STON2: variants seen among roughly 807,000 people sequenced by gnomAD.
STON2 encodes the protein stonin 2, also known as stonin-2.
Under a neutral mutation model 65.7 loss-of-function variants are expected in STON2, and 29 were observed. The observed-to-expected ratio is 0.44, with a 90% CI of 0.33 to 0.60. STON2 has a LOEUF of 0.60. Among genes scored for constraint, STON2 ranks in the 20% least tolerant of loss-of-function variants. STON2 has a pLI of 0.03. For synonymous variants in STON2, 404 were observed against 414.2 expected (o/e 0.98, Z 0.30); for missense variants, 1,054 against 1,118.1 (o/e 0.94, Z 0.82).
chr14:81,373,755 G>C (rs1021744698), intron 3 of STON2, among the ~76,000 whole-genome samples: 49 of 152,096 alleles, frequency 3.2e-4, no homozygotes, highest in Non-Finnish European at 7.4e-5. Context: ...AAGTCTTAAA[G>C]GGTAAGTTAG....
chr14:81,356,994 G>A (rs1898267602), intron 4 of STON2, among the ~76,000 whole-genome samples: 1 of 152,088 alleles, frequency 6.6e-6, no homozygotes, highest in Non-Finnish European at 1.5e-5. Flanking sequence ...GCACGGGCAA[G>A]GACTTCATGT....
chr14:81,428,068 GT>G (rs939937135), intron 1 of STON2, among the ~76,000 whole-genome samples: 3 of 152,154 alleles, frequency 2.0e-5, no homozygotes, highest in African/African-American at 7.2e-5. Flanking sequence ...ACCTTACAGC[GT>G]TGAGGTGCAA....
intron 4 of STON2, among the ~76,000 whole-genome samples, chr14:81,341,461 T>G (rs1329950833): frequency 2.7e-5 from 4 of 146,152 alleles, no homozygotes; most frequent in Non-Finnish European, 5.9e-5. Context: ...TTTTTTGTTT[T>G]TTTTTTTTCC....
rs920844207 is a variant in STON2 at position 81,422,257 on chromosome 14, G to A, written c.-199+4845C>T. On this transcript the variant is annotated intron_variant, in intron 2 of 8. Transcript: ENST00000553821. Reference sequence around the variant, plus strand: ...GAGTGAGTTCTCACTCAGTTCCTGCGAGAACTGAAGTTGAAAAGAGCCTGG... The same window carrying A: ...GAGTGAGTTCTCACTCAGTTCCTGCAAGAACTGAAGTTGAAAAGAGCCTGG... Among the ~76,000 whole-genome samples the A allele has an allele frequency of 7.2e-5, 11 of 152,014 alleles. No homozygotes were observed. In the East Asian group the frequency reaches 7.7e-4, roughly 11 times the overall value.
At position 81,324,109 on chromosome 14, in the gene STON2, C is replaced by A. The variant is rs1024187447; in HGVS notation, c.650G>T (p.Arg217Leu). Among the ~76,000 whole-genome samples, 2 of 152,188 alleles carry A rather than the reference C, an allele frequency of 1.3e-5. No homozygotes were observed. The highest frequency in any genetic ancestry group is 2.1e-4 in the South Asian group (1 of 4,810). ...TGGCGAGGGGTCCAGGCGGTGGGTG[C>A]GGGTGGAGGTATGCTCCGAGCATGC... ...VQACSEHTST[R>L]THRLDPSPPS... is the part of the protein sequence containing the mutation. The change falls in exon 5 of 8, where the codon CGC becomes CTC. Residue 217 changes from arginine to leucine, a missense_variant. Coordinates refer to ENST00000614646, the MANE Select transcript of STON2 (RefSeq NM_001394390.1).
chr14:81,363,423 C>A (rs3853416), intron 4 of STON2, among the ~76,000 whole-genome samples: 56,212 of 151,840 alleles, frequency 0.37, 10,657 homozygotes, highest in South Asian at 0.51. Context: ...TCAGTAACTG[C>A]CAAATGGTAG....
At chr14:81,307,772 A>G (rs1896239799) in intron 5 of STON2, among the ~76,000 whole-genome samples, 1 of 152,228 alleles carries the variant, frequency 6.6e-6, no homozygotes, top group South Asian at 2.1e-4. Context: ...GCTTTTCTTA[A>G]TAACATTTTC....
At chr14:81,301,048 C>T (rs544976675) in intron 5 of STON2, among the ~76,000 whole-genome samples, 1 of 152,214 alleles carries the variant, frequency 6.6e-6, no homozygotes, top group South Asian at 2.1e-4. Flanking sequence ...AATCTCATAA[C>T]CATTCTCTGA....
chr14:81,263,995 G>C lies in STON2; in HGVS notation c.*4419C>G. The C allele has an allele frequency of 2.0e-6, 2 of 985,364 alleles. No individual in the cohort carries two copies. The allele number at this position is 985,364 out of a possible 1,614,324, so 61.0% of individuals were successfully genotyped here. On this transcript the variant is annotated 3_prime_UTR_variant, in exon 8 of 8. Transcript: ENST00000614646. ...AATAAATGCAAAGTAACGGTCAGCG[G>C]TTAGTGCTGGAAGAACAAAGACCTA...
At chr14:81,340,177 A>G (rs1245135529) in intron 4 of STON2, among the ~76,000 whole-genome samples, 1 of 152,180 alleles carries the variant, frequency 6.6e-6, no homozygotes, top group African/African-American at 2.4e-5. Flanking sequence ...AAATAAGCTG[A>G]GTAAAAGAAG....
rs1901188947 is a variant in STON2, at chr14:81,411,982, G to C, written c.-198-13402C>G. On this transcript the variant is annotated intron_variant, in intron 2 of 8. Transcript: ENST00000553821. Reference sequence around the variant, plus strand: ...ACCACGATGGGATGAAAAGTGAAGAGGATTCAAGGTAAAGGGAACCAAAGA... The same window carrying C: ...ACCACGATGGGATGAAAAGTGAAGACGATTCAAGGTAAAGGGAACCAAAGA... Among the ~76,000 whole-genome samples, 7 of 139,362 alleles carry C rather than the reference G, an allele frequency of 5.0e-5. 1 individual carries two copies. Among genetic ancestry groups the C allele is most frequent in the Admixed American group, 5.0e-4 (7 of 14,028 alleles). The allele number at this position is 139,362 out of a possible 152,430, so 91.4% of individuals were successfully genotyped here.
chr14:81,268,656 A>G, intron 7 of STON2, 159 bp from the exon 8 acceptor site: 1 of 984,764 alleles, frequency 1.0e-6, no homozygotes, highest in Non-Finnish European at 1.2e-6. Context: ...TGAGTATATC[A>G]TGTCTCTCTC....
At chr14:81,286,405 A>G (rs1030432242) in intron 5 of STON2, among the ~76,000 whole-genome samples, 6 of 152,186 alleles carry the variant, frequency 3.9e-5, no homozygotes, top group Non-Finnish European at 4.4e-5. Context: ...AACCCTCAGC[A>G]GCCACCACCC....
intron 3 of STON2, among the ~76,000 whole-genome samples, chr14:81,387,309 G>T (rs919801675): frequency 6.6e-6 from 1 of 151,970 alleles, no homozygotes; most frequent in African/African-American, 2.4e-5. Flanking sequence ...ACCTCAAATG[G>T]GAGATGTGAA....
Position 81,267,831 on chromosome 14 carries a change from G to A in STON2, c.*583C>T, listed in dbSNP as rs1012054168. The stretch of plus-strand genomic sequence containing the variant: ...ATGGAAAAAGTGTTCCAATCTAAAC[G>A]ATCTAGAGCCAGGAGGGAAATGTCT... On this transcript the variant is annotated 3_prime_UTR_variant, in exon 8 of 8. Coordinates refer to ENST00000614646, the MANE Select transcript of STON2 (RefSeq NM_001394390.1). The A allele has an allele frequency of 1.5e-5, 15 of 985,402 alleles. No homozygotes were observed. The African/African-American group carries it at 2.6e-4, about 17-fold the overall frequency. The allele number at this position is 985,402 out of a possible 1,614,324, so 61.0% of individuals were successfully genotyped here. A position where few individuals can be genotyped will look rare whatever the true frequency, so the allele number is the denominator to read the frequency against.
In STON2 at chr14:81,266,946, T is replaced by C; in HGVS notation, c.*1468A>G. 2 of 985,060 alleles carry C rather than the reference T, an allele frequency of 2.0e-6. No homozygotes were observed. The highest frequency in any genetic ancestry group is 2.4e-6 in the Non-Finnish European group (2 of 829,570). The allele number at this position is 985,060 out of a possible 1,614,324, so 61.0% of individuals were successfully genotyped here. A position where few individuals can be genotyped will look rare whatever the true frequency, so the allele number is the denominator to read the frequency against. ...ATCATCATTTTACTTTCAGTCTTAG[T>C]TCAGATATTTCAAAATACTGTAACT... On this transcript the variant is annotated 3_prime_UTR_variant, in exon 8 of 8. Coordinates refer to ENST00000614646, the MANE Select transcript of STON2 (RefSeq NM_001394390.1).
intron 5 of STON2, among the ~76,000 whole-genome samples, chr14:81,295,249 C>T (rs1166423070): frequency 3.3e-5 from 5 of 152,068 alleles, no homozygotes; most frequent in South Asian, 2.1e-4. Flanking sequence ...GGCTTGAACC[C>T]GGGAGGCAGA....
chr14:81,411,801 G>T (rs529240982), intron 2 of STON2, among the ~76,000 whole-genome samples: 1 of 152,238 alleles, frequency 6.6e-6, no homozygotes, highest in East Asian at 1.9e-4. Context: ...ACATCATGAG[G>T]GAAAAGGAAG....
chr14:81,435,476 A>C (rs1298789466), intron 1 of STON2, among the ~76,000 whole-genome samples: 4 of 152,226 alleles, frequency 2.6e-5, no homozygotes, highest in Non-Finnish European at 5.9e-5. Flanking sequence ...CGGTGCAATC[A>C]TTATCGCCAC....
Sources: gnomAD v4.1 joint callset for allele counts (sites outside exome capture counted in the v4.1 genomes callset) on GRCh38, gnomAD v4.1.1 for gene constraint, MANE v1.5 for transcripts, NCBI Gene and HGNC (gene_info 2026-07-23, HGNC 2026-07-21) for gene names.